The following JOSD2 variants were observed in gnomAD, a reference collection of about 807,000 sequenced individuals.
JOSD2 encodes josephin-2.
A neutral mutation model predicts 19.3 loss-of-function variants in JOSD2; 20 were observed. That is an observed-to-expected ratio of 1.04 (90% CI 0.73 to 1.51). JOSD2 has a LOEUF of 1.51. JOSD2 is among the 40% of genes most tolerant of loss of function. The pLI, the probability that JOSD2 is intolerant of heterozygous loss-of-function variation, is 0.00. For missense variants in JOSD2, 215 were observed against 250.4 expected, an observed-to-expected ratio of 0.86 and a Z score of 0.95; for synonymous variants, 118 against 123.7, an observed-to-expected ratio of 0.95 and a Z score of 0.31.
Position 50,507,610 on chromosome 19 carries a change from C to T in JOSD2, c.236G>A (p.Gly79Glu). 1 of 1,609,910 alleles carries T rather than the reference C, an allele frequency of 6.2e-7. No homozygotes were observed. The highest frequency in any genetic ancestry group is 1.1e-5 in the South Asian group (1 of 91,076). Reference sequence around the variant, plus strand: ...CCACCACACGGCGGCCAGGCCCAGCCCCTGCAGAGCGGCCATGATCACATT... The same window carrying T: ...CCACCACACGGCGGCCAGGCCCAGCTCCTGCAGAGCGGCCATGATCACATT... ...DVNVIMAALQGLGLAAVWWDR... is the reference protein window; with the variant it reads ...DVNVIMAALQELGLAAVWWDR... Residue 79 changes from glycine to glutamate, a missense_variant, in exon 3 of 5, where the codon GGG (glycine) becomes GAG (glutamate). Physicochemically the swap from Gly to Glu is moderately conservative, Grantham distance 98. Coordinates refer to ENST00000598418, the MANE Select transcript of JOSD2 (RefSeq NM_001270639.2).
At position 50,507,767 on chromosome 19, in the gene JOSD2, C is replaced by T. The variant is rs1209703005; in HGVS notation, c.147-68G>A. 2.6e-6 allele frequency: 4 copies of T among 1,552,166 alleles called. No individual in the cohort carries two copies. The African/African-American group carries it at 4.1e-5, about 16-fold the overall frequency. On this transcript the variant is annotated intron_variant, in intron 2 of 4. Transcript: ENST00000598418. ...AAGGCCTCCCCACAAAATGGGGGTC[C>T]CAGGGGCCACAAGTTGCCTCAGCCT... is the stretch of plus-strand genomic sequence containing the variant.
chr19:50,506,295 CTG>C, intron 4 of JOSD2, 23 bp from the exon 5 acceptor site: 1 of 1,611,550 alleles, frequency 6.2e-7, no homozygotes, highest in Non-Finnish European at 8.5e-7. Flanking sequence ...AATGGGGAGA[CTG>C]AGGCTCGGCC....
chr19:50,506,325 T>C, intron 4 of JOSD2, 53 bp from the exon 5 acceptor site: 2 of 1,607,668 alleles, frequency 1.2e-6, no homozygotes, highest in Non-Finnish European at 1.7e-6. Flanking sequence ...GCATTCCGTC[T>C]GGGGAGTGGG....
chr19:50,510,745 G>T (rs932886328), intron 1 of JOSD2, among the ~76,000 whole-genome samples: 1 of 151,942 alleles, frequency 6.6e-6, no homozygotes, highest in African/African-American at 2.4e-5. Flanking sequence ...AGAGGAACCT[G>T]CCTCCCCGTC....
At chr19:50,508,992 G>A (rs1207044127) in intron 2 of JOSD2, among the ~76,000 whole-genome samples, 1 of 152,026 alleles carries the variant, frequency 6.6e-6, no homozygotes, top group Non-Finnish European at 1.5e-5. Flanking sequence ...GGGGACTGAA[G>A]GCAGGGACAG....
Position 50,510,463 on chromosome 19 carries a change from G to A in JOSD2, c.-17-15C>T. ...CTCGGCTCCTGCTGGGGGTTGGGAG[G>A]GGGAGAAGGTCCTCAGGGGCCCGGG... On this transcript the variant is annotated splice_polypyrimidine_tract_variant and intron_variant, in intron 1 of 4. Coordinates refer to ENST00000598418, the MANE Select transcript of JOSD2 (RefSeq NM_001270639.2). 4 of 1,583,692 alleles carry A rather than the reference G, an allele frequency of 2.5e-6. No homozygotes were observed. Among genetic ancestry groups the A allele is most frequent in the East Asian group, 2.3e-5 (1 of 44,330 alleles).
In JOSD2 at chr19:50,506,457, G is replaced by T; in HGVS notation, c.388C>A (p.Arg130Ser). 2 of 1,590,068 alleles carry T rather than the reference G, an allele frequency of 1.3e-6. No homozygotes were observed. The highest frequency in any genetic ancestry group is 1.7e-6 in the Non-Finnish European group (2 of 1,169,588). Residue 130 changes from arginine to serine, a missense_variant, in exon 4 of 5, where the codon CGC becomes AGC. Transcript: ENST00000598418. ...PLRRRHWVAL[R>S]QVDGVYYNLD... ...TTGTAGTAGACACCGTCCACCTGGC[G>T]CAGGGCCACCCAGTGCCGCCGGCGC...
At position 50,506,053 on chromosome 19, in the gene JOSD2, G is replaced by A; in HGVS notation, c.*120C>T. On this transcript the variant is annotated 3_prime_UTR_variant, in exon 5 of 5. Coordinates refer to ENST00000598418, the MANE Select transcript of JOSD2 (RefSeq NM_001270639.2). ...CAGCGGCAGTGGGGAGCAGGGGTGTGGGGAGGGGGCGGGGCCTCCCCAGGG... is the reference window on the plus strand; with the variant it reads ...CAGCGGCAGTGGGGAGCAGGGGTGTAGGGAGGGGGCGGGGCCTCCCCAGGG... The A allele has an allele frequency of 1.1e-6, 1 of 890,898 alleles. No homozygotes were observed. The highest frequency in any genetic ancestry group is 1.7e-5 in the South Asian group (1 of 59,256). The allele number at this position is 890,898 out of a possible 1,614,324, so 55.2% of individuals were successfully genotyped here.
chr19:50,510,188 A>G (rs903478660), intron 2 of JOSD2, 98 bp downstream of exon 2: 4 of 1,461,612 alleles, frequency 2.7e-6, no homozygotes, highest in African/African-American at 2.8e-5. Flanking sequence ...GGAGCAGAAG[A>G]AAGCCCCCAA....
intron 2 of JOSD2, among the ~76,000 whole-genome samples, chr19:50,509,103 ATTTTT>A (rs34345488): frequency 1.2e-4 from 14 of 115,166 alleles, no homozygotes; most frequent in African/African-American, 4.5e-4. Flanking sequence ...TAAAGGAGTG[ATTTTT>A]TTTTTTTTTT....
At chr19:50,510,995 C>T (rs1248383722) in intron 1 of JOSD2, 122 bp downstream of exon 1, 3 of 421,462 alleles carry the variant, frequency 7.1e-6, no homozygotes, top group Admixed American at 5.1e-5. Flanking sequence ...CACTAAGCAA[C>T]AGGAGTTCCT....
At chr19:50,508,104 T>G (rs1353610175) in intron 2 of JOSD2, 2 of 286,294 alleles carry the variant, frequency 7.0e-6, no homozygotes, top group Non-Finnish European at 1.4e-5. Context: ...GCCTCCAGCC[T>G]CCCTCCAGTC....
chr19:50,506,430 G>A lies in JOSD2; in HGVS notation c.415C>T (p.Leu139=). 6.2e-7 allele frequency: 1 copy of A among 1,603,674 alleles called. No individual in the cohort carries two copies. Among genetic ancestry groups the A allele is most frequent in the South Asian group, 1.1e-5 (1 of 89,722 alleles). The change falls in exon 4 of 5, where the codon CTG becomes TTG. Residue 139 remains leucine (L), a synonymous_variant. Coordinates refer to ENST00000598418, the MANE Select transcript of JOSD2 (RefSeq NM_001270639.2). ...LRQVDGVYYN[L]DSKLRAPEAL... is the part of the protein sequence containing the mutation. ...TCGGGCGCCCGCAGCTTGGAGTCCAGGTTGTAGTAGACACCGTCCACCTGG... is the reference window on the plus strand; with the variant it reads ...TCGGGCGCCCGCAGCTTGGAGTCCAAGTTGTAGTAGACACCGTCCACCTGG...
chr19:50,508,108 TC>T, intron 2 of JOSD2: 1 of 283,042 alleles, frequency 3.5e-6, no homozygotes, highest in Non-Finnish European at 6.9e-6. Context: ...CCAGCCTCCC[TC>T]CAGTCCATTC....
intron 2 of JOSD2, among the ~76,000 whole-genome samples, chr19:50,509,376 A>AT (rs1399657375): frequency 3.3e-5 from 5 of 152,052 alleles, no homozygotes; most frequent in Non-Finnish European, 5.9e-5. Context: ...TACAGGTGTG[A>AT]GCCACTGCGC....
At chr19:50,510,148 T>A in intron 2 of JOSD2, 138 bp downstream of exon 2, 1 of 963,970 alleles carries the variant, frequency 1.0e-6, no homozygotes, top group Non-Finnish European at 1.5e-6. Flanking sequence ...CTCCCCAGAG[T>A]CCCAGCGTCT....
In JOSD2 at chr19:50,506,407, G is replaced by A. The variant is rs760847853; in HGVS notation, c.438C>T (p.Pro146=). 1.0e-5 allele frequency: 16 copies of A among 1,605,618 alleles called. No homozygotes were observed. The highest frequency in any genetic ancestry group is 2.7e-5 in the African/African-American group (2 of 74,796). Residue 146 remains proline, a synonymous_variant, in exon 4 of 5, where the codon CCC becomes CCT. Coordinates refer to ENST00000598418, the MANE Select transcript of JOSD2 (RefSeq NM_001270639.2). ...CTCCGTCCTCATCCCCCAGGGCCTC[G>A]GGCGCCCGCAGCTTGGAGTCCAGGT... The part of the protein sequence containing the change: ...YYNLDSKLRA[P]EALGDEDGVR...
At chr19:50,508,467 G>C (rs1485964954) in intron 2 of JOSD2, among the ~76,000 whole-genome samples, 21 of 152,090 alleles carry the variant, frequency 1.4e-4, no homozygotes, top group Admixed American at 1.4e-3. Flanking sequence ...TCTGGCTCTG[G>C]TGGCCTCACC....
intron 2 of JOSD2, among the ~76,000 whole-genome samples, chr19:50,508,698 CGTGTGTGTGTGTGTGTGTGTGTGTGT>C (rs58475114): frequency 4.3e-5 from 6 of 140,910 alleles, no homozygotes; most frequent in South Asian, 2.4e-4. Context: ...GGAAAACGCT[CGTGTGTGTGTGTGTGTGTGTGTGTGT>C]GTGTGTGTGT....
Sources: allele counts gnomAD v4.1 joint callset (sites outside exome capture counted in the v4.1 genomes callset), GRCh38; gene constraint gnomAD v4.1.1; transcripts MANE v1.5; gene names NCBI Gene and HGNC (gene_info 2026-07-23, HGNC 2026-07-21).